PPRC1: variants seen among roughly 807,000 people sequenced by gnomAD.
PPRC1 encodes the protein peroxisome proliferator-activated receptor gamma coactivator-related protein 1.
In PPRC1, 23 loss-of-function variants were observed where a neutral mutation model predicts 132.5. The ratio of observed to expected loss-of-function variants is 0.17; its 90% confidence interval spans 0.12 to 0.25. The LOEUF is 0.25. Among genes scored for constraint, PPRC1 ranks in the 10% least tolerant of loss-of-function variants. The probability of loss-of-function intolerance (pLI) is 1.00; values close to 1 mark genes in which losing one functional copy is unlikely to be tolerated. For synonymous variants in PPRC1, 872 were observed against 833.5 expected, an observed-to-expected ratio of 1.05 and a Z score of -0.80; for missense variants, 2,006 against 2,089.1, an observed-to-expected ratio of 0.96 and a Z score of 0.78.
chr10:102,129,180 C>T (rs553309959), upstream of PPRC1, among the ~76,000 whole-genome samples: 47 of 152,226 alleles, frequency 3.1e-4, no homozygotes, highest in African/African-American at 1.1e-3. Context: ...ATCCGCCCGC[C>T]TCGGCCTCCC....
At chr10:102,133,009 C>A, upstream of PPRC1, 1 of 1,236,224 alleles carries the variant, frequency 8.1e-7, no homozygotes, top group Non-Finnish European at 1.0e-6. Flanking sequence ...TCCTTTCCCA[C>A]AATCGGCTGG....
chr10:102,142,088 C>T (rs1307682145), intron 5 of PPRC1, 84 bp downstream of exon 5: 2 of 1,449,334 alleles, frequency 1.4e-6, no homozygotes, highest in African/African-American at 1.4e-5. Context: ...ATGAGGCTGG[C>T]CTTTGTTGGA....
chr10:102,145,566 C>CT (rs1250342630), intron 8 of PPRC1, among the ~76,000 whole-genome samples: 3 of 120,404 alleles, frequency 2.5e-5, no homozygotes, highest in Non-Finnish European at 3.4e-5. Context: ...GCAAGACTAT[C>CT]TAAAAAAAAA....
In PPRC1 at chr10:102,148,321, G is replaced by A. The variant is rs1462553793; in HGVS notation, c.4401-51G>A. The A allele has an allele frequency of 9.4e-6, 15 of 1,593,488 alleles. No homozygotes were observed. The highest frequency in any genetic ancestry group is 1.3e-5 in the Non-Finnish European group (15 of 1,169,310). ...GACTGGGGCCTGGGTGAGATAAGCA[G>A]AGTATACCTGAACCACTCCCAGCAT... On this transcript the variant is annotated intron_variant, in intron 9 of 13. Coordinates refer to ENST00000278070, the MANE Select transcript of PPRC1 (RefSeq NM_015062.5). The surrounding 1 kb of genome is among the most constrained non-coding windows in gnomAD (Gnocchi z 4.2).
chr10:102,124,544 G>A, the PPRC1 span, among the ~76,000 whole-genome samples: 1 of 151,146 alleles, frequency 6.6e-6, no homozygotes, highest in South Asian at 2.1e-4. Flanking sequence ...TGTATTTTTA[G>A]TAGAGATGGG....
chr10:102,144,044 G>T (rs926969431), intron 6 of PPRC1, among the ~76,000 whole-genome samples: 1 of 152,242 alleles, frequency 6.6e-6, no homozygotes, highest in African/African-American at 2.4e-5. Context: ...GTGGAGGAAT[G>T]TGGGTGTTTC....
At position 102,137,986 on chromosome 10, in the gene PPRC1, A is replaced by G. The variant is rs1263122794; in HGVS notation, c.290A>G (p.Tyr97Cys). 1 of 1,614,136 alleles carries G rather than the reference A, an allele frequency of 6.2e-7. No individual in the cohort carries two copies. The highest frequency in any genetic ancestry group is 8.5e-7 in the Non-Finnish European group (1 of 1,180,022). ...ACACTGCTGGGGACCATGCAGAGCTACATGGATGCCTCCCTTATCTCCCTC... is the reference window on the plus strand; with the variant it reads ...ACACTGCTGGGGACCATGCAGAGCTGCATGGATGCCTCCCTTATCTCCCTC... ...DETLLGTMQS[Y>C]MDASLISLIE... Residue 97 changes from tyrosine (Y) to cysteine (C), a missense_variant, in exon 2 of 14, where the codon TAC (tyrosine) becomes TGC (cysteine). This residue lies in a region of PPRC1 where 1,914 missense variants were observed against 1,917.2 expected (regional missense o/e 1.00). Transcript: ENST00000278070.
chr10:102,145,175 C>T (rs2069168777), intron 8 of PPRC1, 85 bp downstream of exon 8: 8 of 1,294,202 alleles, frequency 6.2e-6, no homozygotes, highest in Non-Finnish European at 8.7e-6. Flanking sequence ...TGTGTGTAGG[C>T]GTTAAGGACA....
chr10:102,123,402 G>T, the PPRC1 span, among the ~76,000 whole-genome samples: 1 of 151,532 alleles, frequency 6.6e-6, no homozygotes, highest in South Asian at 2.1e-4. Context: ...TGTGGAGGGG[G>T]GGTCTTTAAC....
the PPRC1 span, among the ~76,000 whole-genome samples, chr10:102,125,193 C>G: frequency 6.6e-6 from 1 of 151,694 alleles, no homozygotes; most frequent in Non-Finnish European, 1.5e-5. Flanking sequence ...CCAGTTCAAG[C>G]GATTCTCCTG....
At position 102,142,015 on chromosome 10, in the gene PPRC1, C is replaced by G. The variant is rs768708021; in HGVS notation, c.3496+11C>G. On this transcript the variant is annotated intron_variant, in intron 5 of 13. Transcript: ENST00000278070. ...TCATCAGTGAGATTGGTGAGTGACA[C>G]ACAGTTCCCCCATGTAGTCCCCAAG... is the stretch of plus-strand genomic sequence containing the variant. 9 of 1,594,488 alleles carry G rather than the reference C, an allele frequency of 5.6e-6. No individual in the cohort carries two copies. In the South Asian group the frequency reaches 1.0e-4, roughly 18 times the overall value.
At position 102,140,142 on chromosome 10, in the gene PPRC1, G is replaced by A; in HGVS notation, c.1634G>A (p.Gly545Glu). Residue 545 changes from glycine (G) to glutamate (E), a missense_variant, in exon 5 of 14, where the codon GGA (glycine) becomes GAA (glutamate). Physicochemically the swap from Gly to Glu is moderately conservative, Grantham distance 98. Around this residue, in one of 2 missense-constraint regions of PPRC1, gnomAD observed 1,914 missense variants for 1,917.2 expected, o/e 1.00. Coordinates refer to ENST00000278070, the MANE Select transcript of PPRC1 (RefSeq NM_015062.5). ...CCTAAGAACTTGGAGAGAAGTGCTG[G>A]ACAAAGTAGTCCTGCTAAAGAAGGC... Reference protein sequence around the residue: ...SSPKNLERSAGQSSPAKEGPL... With the variant: ...SSPKNLERSAEQSSPAKEGPL... 1 of 1,614,236 alleles carries A rather than the reference G, an allele frequency of 6.2e-7. No individual in the cohort carries two copies. Among genetic ancestry groups the A allele is most frequent in the South Asian group, 1.1e-5 (1 of 91,082 alleles).
At chr10:102,135,570 G>C (rs1362737998) in intron 1 of PPRC1, among the ~76,000 whole-genome samples, 1 of 152,006 alleles carries the variant, frequency 6.6e-6, no homozygotes, top group Non-Finnish European at 1.5e-5. Flanking sequence ...GTAGAGACAG[G>C]GTTTCACCAT....
chr10:102,140,126 T>G lies in PPRC1; in HGVS notation c.1618T>G (p.Leu540Val), dbSNP rs781529632. The change falls in exon 5 of 14, where the codon TTG (leucine) becomes GTG (valine). Residue 540 changes from leucine to valine, a missense_variant. This residue lies in a region of PPRC1 where 1,914 missense variants were observed against 1,917.2 expected (regional missense o/e 1.00). Coordinates refer to ENST00000278070, the MANE Select transcript of PPRC1 (RefSeq NM_015062.5). ...AALENSSPKN[L>V]ERSAGQSSPA... ...CTTGGAGAATTCTAGCCCTAAGAACTTGGAGAGAAGTGCTGGACAAAGTAG... is the reference window on the plus strand; with the variant it reads ...CTTGGAGAATTCTAGCCCTAAGAACGTGGAGAGAAGTGCTGGACAAAGTAG... 3.7e-6 allele frequency: 6 copies of G among 1,614,062 alleles called. No homozygotes were observed. Among genetic ancestry groups the G allele is most frequent in the Non-Finnish European group, 5.1e-6 (6 of 1,180,042 alleles).
intron 1 of PPRC1, 104 bp downstream of exon 1, chr10:102,133,325 C>G (rs1478635744): frequency 1.6e-5 from 17 of 1,059,070 alleles, no homozygotes; most frequent in Non-Finnish European, 1.9e-5. Flanking sequence ...AGAGTCGATG[C>G]CGGGTGGCCG....
intron 1 of PPRC1, 107 bp downstream of exon 1, chr10:102,133,328 G>A: frequency 9.7e-7 from 1 of 1,030,682 alleles, no homozygotes; most frequent in Non-Finnish European, 1.2e-6. Flanking sequence ...GTCGATGCCG[G>A]GTGGCCGCGG....
At chr10:102,128,607 G>GTCTTTTTTTTTTTT (rs772566897), upstream of PPRC1, among the ~76,000 whole-genome samples, 8 of 151,262 alleles carry the variant, frequency 5.3e-5, no homozygotes, top group African/African-American at 1.9e-4. Context: ...CACAGCTGCA[G>GTCTTTTTTTTTTTT]TCTTTTTTTT....
At position 102,148,604 on chromosome 10, in the gene PPRC1, G is replaced by T; in HGVS notation, c.4551-24G>T. The T allele has an allele frequency of 6.2e-7, 1 of 1,613,938 alleles. No individual in the cohort carries two copies. The highest frequency in any genetic ancestry group is 8.5e-7 in the Non-Finnish European group (1 of 1,179,838). ...TCTTGAATTGTCTTATGTTTGGGGG[G>T]CTGATGACACCCTCTTTTGTCAGGT... On this transcript the variant is annotated intron_variant, in intron 10 of 13. Coordinates refer to ENST00000278070, the MANE Select transcript of PPRC1 (RefSeq NM_015062.5). This position sits in a 1 kb window ranked among gnomAD's most constrained non-coding sequence, Gnocchi z 4.2.
Position 102,146,653 on chromosome 10 carries a change from TC to T in PPRC1, c.3680-17del, listed in dbSNP as rs769728609. On this transcript the variant is annotated intron_variant, in intron 8 of 13. Coordinates refer to ENST00000278070, the MANE Select transcript of PPRC1 (RefSeq NM_015062.5). ...ATCGGATCTCATCCTGCTATCTCCA[TC>T]CTCCCTCCCCACCACAGGGCTCACC... is the stretch of plus-strand genomic sequence containing the variant. 1 of 1,588,054 alleles carries T rather than the reference TC, an allele frequency of 6.3e-7. No individual in the cohort carries two copies. The highest frequency in any genetic ancestry group is 1.1e-5 in the South Asian group (1 of 88,380).
Sources: gnomAD v4.1 joint callset for allele counts (sites outside exome capture counted in the v4.1 genomes callset) on GRCh38, gnomAD v4.1.1 for gene constraint, gnomAD v4.1.1 regional missense constraint, Gnocchi (gnomAD v3.1) non-coding constraint, MANE v1.5 for transcripts, NCBI Gene and HGNC (gene_info 2026-07-23, HGNC 2026-07-21) for gene names.